Variants in ALCAM observed in about 807,000 individuals in gnomAD.
ALCAM encodes the protein CD166 antigen.
ALCAM carries 30 observed loss-of-function variants against 70.9 expected under a neutral mutation model. The observed-to-expected ratio is 0.42, with a 90% CI of 0.32 to 0.57. The LOEUF is 0.57. Ranked by LOEUF, ALCAM falls within the 20% of genes least tolerant of loss-of-function variation. The pLI is 0.11. For synonymous variants in ALCAM, 249 were observed against 242.5 expected, an observed-to-expected ratio of 1.03 and a Z score of -0.25; for missense variants, 591 against 695.1, an observed-to-expected ratio of 0.85 and a Z score of 1.68.
intron 8 of ALCAM, among the ~76,000 whole-genome samples, chr3:105,543,160 G>C (rs901652796): frequency 6.6e-6 from 1 of 151,598 alleles, no homozygotes; most frequent in Non-Finnish European, 1.5e-5. Context: ...TAAAAGAAAA[G>C]GGCTCTTATT....
intron 1 of ALCAM, among the ~76,000 whole-genome samples, chr3:105,495,440 CA>C (rs71111363): frequency 0.39 from 52,763 of 136,700 alleles, 10,106 homozygotes; most frequent in East Asian, 0.55. Flanking sequence ...CACAAAGGGA[CA>C]AAAAAAAAAC....
intron 12 of ALCAM, among the ~76,000 whole-genome samples, chr3:105,551,056 C>T (rs1251491599): frequency 1.3e-5 from 2 of 151,552 alleles, no homozygotes; most frequent in Non-Finnish European, 3.0e-5. Flanking sequence ...TTTTATTCTT[C>T]ATTCAGTTGG....
chr3:105,487,406 A>C (rs1938460725), intron 1 of ALCAM, among the ~76,000 whole-genome samples: 1 of 152,174 alleles, frequency 6.6e-6, no homozygotes, highest in Non-Finnish European at 1.5e-5. Flanking sequence ...ACATAAGGCC[A>C]AGACTAAAAT....
At chr3:105,470,937 C>T (rs1159876198) in intron 1 of ALCAM, among the ~76,000 whole-genome samples, 2 of 151,194 alleles carry the variant, frequency 1.3e-5, no homozygotes, top group African/African-American at 4.8e-5. Context: ...CAGATCATCC[C>T]ATTTCCAAAG....
In ALCAM at chr3:105,370,883, C is replaced by A. The variant is rs1051012274; in HGVS notation, c.73+3402C>A. Among the ~76,000 whole-genome samples, 3 of 152,054 alleles carry A rather than the reference C, an allele frequency of 2.0e-5. No homozygotes were observed. In the East Asian group the frequency reaches 5.8e-4, roughly 29 times the overall value. ...CCTATATAAACTGCATACATAGTAC[C>A]TAGAATGAGATGTAAATTATGGTTT... On this transcript the variant is annotated intron_variant, in intron 1 of 15. Transcript: ENST00000306107.
Position 105,524,554 on chromosome 3 carries a change from A to G in ALCAM, c.394+46A>G, listed in dbSNP as rs374372670. The G allele has an allele frequency of 4.7e-5, 76 of 1,609,944 alleles. No individual in the cohort carries two copies. In the African/African-American group the frequency reaches 8.1e-4, roughly 17 times the overall value. ...TCACTGCTAAGTGGGATTGATGGCC[A>G]GTACCAGACCATGTTCTTTAGAAAG... On this transcript the variant is annotated intron_variant, in intron 3 of 15. Transcript: ENST00000306107.
In ALCAM at chr3:105,574,856, T is replaced by C. The variant is rs967205153; in HGVS notation, c.*405T>C. 5 of 152,624 alleles carry C rather than the reference T, an allele frequency of 3.3e-5. No individual in the cohort carries two copies. The highest frequency in any genetic ancestry group is 1.2e-4 in the African/African-American group (5 of 41,442). 9.5% of individuals were successfully genotyped at this position (152,624 alleles called of 1,614,324 possible). A position where few individuals can be genotyped will look rare whatever the true frequency, so the allele number is the denominator to read the frequency against. On this transcript the variant is annotated 3_prime_UTR_variant, in exon 16 of 16. Transcript: ENST00000306107. ...GTAATGTTTTTATTTCAATTGTTTA[T>C]ATGGATAATCTGAGCAGGTACATTT...
At position 105,367,771 on chromosome 3, in the gene ALCAM, C is replaced by T. The variant is rs560346034; in HGVS notation, c.73+290C>T. Among the ~76,000 whole-genome samples, 73 of 152,322 alleles carry T rather than the reference C, an allele frequency of 4.8e-4. 1 individual carries two copies. In the South Asian group the frequency reaches 0.014, roughly 29 times the overall value. On this transcript the variant is annotated intron_variant, in intron 1 of 15. Coordinates refer to ENST00000306107, the MANE Select transcript of ALCAM (RefSeq NM_001627.4). The stretch of plus-strand genomic sequence containing the variant: ...GCCTGACGCTCTCCCCTTGTCCCTG[C>T]GGCTCCCAGCTAGGCGGCGGACTCT...
At chr3:105,436,120 C>T (rs546847909) in intron 1 of ALCAM, among the ~76,000 whole-genome samples, 1 of 152,130 alleles carries the variant, frequency 6.6e-6, no homozygotes, top group African/African-American at 2.4e-5. Flanking sequence ...GAAAGACCTG[C>T]CCCCATGATT....
chr3:105,554,139 T>G (rs1385392830), intron 14 of ALCAM, among the ~76,000 whole-genome samples: 2 of 151,738 alleles, frequency 1.3e-5, no homozygotes, highest in East Asian at 3.9e-4. Flanking sequence ...AGAAATTGAC[T>G]GACATGATTA....
At chr3:105,403,724 A>C (rs921556884) in intron 1 of ALCAM, among the ~76,000 whole-genome samples, 2 of 152,018 alleles carry the variant, frequency 1.3e-5, no homozygotes, top group Non-Finnish European at 2.9e-5. Context: ...AATGGATCCA[A>C]ACCAAGACAA....
intron 3 of ALCAM, among the ~76,000 whole-genome samples, chr3:105,530,578 C>T (rs1309609963): frequency 6.6e-6 from 1 of 151,814 alleles, no homozygotes; most frequent in Non-Finnish European, 1.5e-5. Context: ...TTCTATCTTG[C>T]TTATGTTTTG....
At chr3:105,392,842 A>G (rs772145020) in intron 1 of ALCAM, among the ~76,000 whole-genome samples, 1 of 151,954 alleles carries the variant, frequency 6.6e-6, no homozygotes, top group Non-Finnish European at 1.5e-5. Flanking sequence ...TTTACCCAGG[A>G]GTCATTCAGG....
At chr3:105,511,568 A>G (rs751647085) in intron 1 of ALCAM, among the ~76,000 whole-genome samples, 4 of 152,030 alleles carry the variant, frequency 2.6e-5, no homozygotes, top group Admixed American at 2.0e-4. Flanking sequence ...GGAGCTGTCA[A>G]TTAAAAGCAT....
At chr3:105,543,351 C>G (rs1254971379) in intron 8 of ALCAM, among the ~76,000 whole-genome samples, 1 of 151,630 alleles carries the variant, frequency 6.6e-6, no homozygotes, top group African/African-American at 2.4e-5. Context: ...TTGGTTTTGA[C>G]AGGTAGACTC....
At chr3:105,373,572 A>G (rs1340219523) in intron 1 of ALCAM, among the ~76,000 whole-genome samples, 2 of 152,208 alleles carry the variant, frequency 1.3e-5, no homozygotes, top group Admixed American at 6.5e-5. Context: ...TGCAAAATCA[A>G]CATTGGAATG....
Position 105,571,961 on chromosome 3 carries a change from C to T in ALCAM, c.*22C>T, listed in dbSNP as rs1472566143. On this transcript the variant is annotated 3_prime_UTR_variant, in exon 15 of 16. Transcript: ENST00000306107. ...CTAAGAGAGAAACTGTCCTAGTTGT[C>T]CAGGTGAGTAGTCTGTACGAGGTTC... 7.7e-6 allele frequency: 12 copies of T among 1,555,962 alleles called. No homozygotes were observed. The Admixed American group carries it at 8.5e-5, about 11-fold the overall frequency.
chr3:105,558,815 T>C (rs1283180125), intron 14 of ALCAM, among the ~76,000 whole-genome samples: 1 of 152,122 alleles, frequency 6.6e-6, no homozygotes, highest in East Asian at 1.9e-4. Context: ...CCAGCTGCTT[T>C]CACATACACT....
intron 1 of ALCAM, among the ~76,000 whole-genome samples, chr3:105,401,490 C>T (rs567810830): frequency 1.6e-4 from 24 of 152,088 alleles, no homozygotes; most frequent in Admixed American, 4.6e-4. Context: ...GCTCTCAGTG[C>T]GGTTGTTTAT....
Sources: allele counts gnomAD v4.1 joint callset (sites outside exome capture counted in the v4.1 genomes callset), GRCh38; gene constraint gnomAD v4.1.1; transcripts MANE v1.5; gene names NCBI Gene and HGNC (gene_info 2026-07-23, HGNC 2026-07-21).